PRH1: variants seen among roughly 807,000 people sequenced by gnomAD.
The protein encoded by PRH1 is salivary acidic proline-rich phosphoprotein 1/2.
Under a neutral mutation model 7.9 loss-of-function variants are expected in PRH1, and 7 were observed. The ratio of observed to expected loss-of-function variants is 0.89; its 90% CI spans 0.50 to 1.67. The LOEUF (loss-of-function observed/expected upper bound fraction) is 1.67, where lower values mean the gene tolerates loss of function less well. Ranked by LOEUF, PRH1 falls within the 40% of genes most tolerant of loss-of-function variation. PRH1 has a pLI of 0.00. For missense variants in PRH1, 109 were observed against 223.6 expected (o/e 0.49, Z 3.27); for synonymous variants, 45 against 80.8 (o/e 0.56, Z 2.38).
chr12:11,096,733 A>G lies in PRH1; in HGVS notation n.124-49545T>C. On this transcript the variant is annotated intron_variant and non_coding_transcript_variant, in intron 1 of 4. Coordinates refer to the PRH1 transcript ENST00000541977. ...CAAAATGTCATTAATTACATATAGA[A>G]TCTCAACCACAGCTCCATCATTCTA... 1.7e-5 allele frequency among the ~76,000 whole-genome samples: 2 copies of G among 115,488 alleles called. 1 individual carries two copies. The highest frequency in any genetic ancestry group is 5.8e-5 in the African/African-American group (2 of 34,406). The allele number at this position is 115,488 out of a possible 152,430, so 75.8% of individuals were successfully genotyped here.
chr12:11,029,139 G>GA lies in PRH1; in HGVS notation c.-126+17880_-126+17881insT, dbSNP rs1565569277. The stretch of plus-strand genomic sequence containing the variant: ...ATGATTAAAAAAATACACAAATCAG[G>GA]TGGGGGGATGATTCATCTTAAGGTT... On this transcript the variant is annotated intron_variant, in intron 1 of 3. Transcript: ENST00000539853. 1.5e-4 allele frequency among the ~76,000 whole-genome samples: 23 copies of GA among 152,366 alleles called. No homozygotes were observed. In the East Asian group the frequency reaches 4.2e-3, roughly 28 times the overall value.
At chr12:10,914,482 AC>A (rs1298650824) in intron 2 of PRH1, among the ~76,000 whole-genome samples, 2 of 152,192 alleles carry the variant, frequency 1.3e-5, no homozygotes, top group Non-Finnish European at 2.9e-5. Context: ...CAAGGGTGAC[AC>A]CTGTCTAAGG....
At chr12:10,897,623 G>C (rs998828247) in intron 2 of PRH1, among the ~76,000 whole-genome samples, 1 of 152,180 alleles carries the variant, frequency 6.6e-6, no homozygotes, top group African/African-American at 2.4e-5. Flanking sequence ...CTGTTTCTGG[G>C]GAGGCCTCAG....
chr12:11,138,978 T>A (rs1239194928), intron 1 of PRH1, among the ~76,000 whole-genome samples: 1 of 152,178 alleles, frequency 6.6e-6, no homozygotes, highest in Non-Finnish European at 1.5e-5. Context: ...TGGCAGAGGT[T>A]GCATTGAGCC....
intron 1 of PRH1, among the ~76,000 whole-genome samples, chr12:11,024,542 A>G (rs1941814937): frequency 6.6e-6 from 1 of 152,204 alleles, no homozygotes; most frequent in East Asian, 1.9e-4. Context: ...GTGCAATCCT[A>G]TATGTTCTTA....
intron 1 of PRH1, among the ~76,000 whole-genome samples, chr12:11,162,920 T>C (rs1947458103): frequency 6.6e-6 from 1 of 152,190 alleles, no homozygotes; most frequent in South Asian, 2.1e-4. Context: ...AGAGAAGGGA[T>C]ACATGGAACA....
rs1950128824 is a variant in PRH1 at position 10,926,726 on chromosome 12, G to A, written c.-58-42451C>T. ...ACATTTGAGATGTATTTTGAAGGTG[G>A]AAGAAATTAGATAAGCTAATGGGTA... On this transcript the variant is annotated intron_variant, in intron 2 of 3. Coordinates refer to the PRH1 transcript ENST00000539853. Among the ~76,000 whole-genome samples the A allele has an allele frequency of 2.6e-5, 4 of 152,274 alleles. No individual in the cohort carries two copies. The South Asian group carries it at 8.3e-4, about 32-fold the overall frequency.
At position 11,090,830 on chromosome 12, in the gene PRH1, G is replaced by C. The variant is rs111592023; in HGVS notation, n.124-43642C>G. 2.1e-5 allele frequency among the ~76,000 whole-genome samples: 2 copies of C among 96,356 alleles called. 1 individual carries two copies. Among genetic ancestry groups the C allele is most frequent in the Non-Finnish European group, 5.0e-5 (2 of 39,758 alleles). The allele number at this position is 96,356 out of a possible 152,430, so 63.2% of individuals were successfully genotyped here. On this transcript the variant is annotated intron_variant and non_coding_transcript_variant, in intron 1 of 4. Coordinates refer to the PRH1 transcript ENST00000541977. ...ACCATCCAATAAATTTGAGGTTCAA[G>C]CAATGAATTCTAAGCACAATGTGGT...
At chr12:10,921,252 T>G (rs1026607947) in intron 2 of PRH1, among the ~76,000 whole-genome samples, 1 of 152,174 alleles carries the variant, frequency 6.6e-6, no homozygotes, top group Middle Eastern at 3.4e-3. Flanking sequence ...AAGGTAAAAA[T>G]TATGACATTT....
intron 2 of PRH1, among the ~76,000 whole-genome samples, chr12:10,894,686 T>C (rs1392467519): frequency 1.3e-5 from 2 of 152,164 alleles, no homozygotes; most frequent in Non-Finnish European, 2.9e-5. Context: ...ATCTATTATA[T>C]TGATCACAGT....
At chr12:10,917,261 T>G (rs1223406467) in intron 2 of PRH1, among the ~76,000 whole-genome samples, 1 of 152,206 alleles carries the variant, frequency 6.6e-6, no homozygotes, top group Admixed American at 6.5e-5. Flanking sequence ...TATACCTGGC[T>G]TCTCTTCAGA....
chr12:10,893,172 A>C (rs1406444079), intron 2 of PRH1, among the ~76,000 whole-genome samples: 1 of 152,188 alleles, frequency 6.6e-6, no homozygotes, highest in Non-Finnish European at 1.5e-5. Flanking sequence ...GTGCATTGTG[A>C]GATATTGAGC....
chr12:11,148,612 C>G (rs527653986), intron 1 of PRH1, among the ~76,000 whole-genome samples: 2 of 137,796 alleles, frequency 1.5e-5, no homozygotes, highest in Admixed American at 1.5e-4. Context: ...TATATTGAAC[C>G]AGCCTTGCAT....
At chr12:11,104,754 AC>A (rs1945362349) in intron 1 of PRH1, among the ~76,000 whole-genome samples, 1 of 151,228 alleles carries the variant, frequency 6.6e-6, no homozygotes, top group South Asian at 2.1e-4. Flanking sequence ...AAATGATGGC[AC>A]AGATTTATAA....
chr12:11,059,732 G>A (rs1047120987), intron 1 of PRH1, among the ~76,000 whole-genome samples: 7 of 149,120 alleles, frequency 4.7e-5, no homozygotes, highest in Non-Finnish European at 7.5e-5. Flanking sequence ...TTTCCTCTGC[G>A]GAAGGATTCT....
chr12:10,964,810 C>A (rs773829748), intron 2 of PRH1: 9 of 565,270 alleles, frequency 1.6e-5, no homozygotes, highest in Non-Finnish European at 2.0e-5. Flanking sequence ...AGTTTGCAAG[C>A]GTGGTTACAG....
chr12:10,978,267 C>T (rs1220867816), intron 1 of PRH1, among the ~76,000 whole-genome samples: 3 of 152,100 alleles, frequency 2.0e-5, no homozygotes, highest in Non-Finnish European at 4.4e-5. Flanking sequence ...ATGCCACCCA[C>T]CTACAGCCAT....
At chr12:10,985,302 T>C (rs1412797640) in intron 1 of PRH1, among the ~76,000 whole-genome samples, 3 of 152,148 alleles carry the variant, frequency 2.0e-5, no homozygotes, top group African/African-American at 7.2e-5. Flanking sequence ...GGTAGACATA[T>C]ACAAAATGTG....
intron 1 of PRH1, chr12:11,022,146 A>C: frequency 6.2e-7 from 1 of 1,613,946 alleles, no homozygotes; most frequent in East Asian, 2.2e-5. Context: ...CAGCAAGATT[A>C]CAAATCAGAA....
Sources: gnomAD v4.1 joint callset for allele counts (sites outside exome capture counted in the v4.1 genomes callset) on GRCh38, gnomAD v4.1.1 for gene constraint, MANE v1.5 for transcripts, NCBI Gene and HGNC (gene_info 2026-07-23, HGNC 2026-07-21) for gene names.